DNMT1: variants seen among roughly 807,000 people sequenced by gnomAD.
DNMT1 encodes DNA methyltransferase 1, also known as DNA (cytosine-5)-methyltransferase 1.
A neutral mutation model predicts 205.3 loss-of-function variants in DNMT1; 24 were observed. The observed-to-expected ratio is 0.12, with a 90% CI of 0.08 to 0.16. DNMT1 has a LOEUF of 0.16. Among genes scored for constraint, DNMT1 ranks in the 10% least tolerant of loss-of-function variants. The pLI is 1.00. For missense variants in DNMT1, 1,293 were observed against 2,177.7 expected (o/e 0.59, Z 8.09); for synonymous variants, 817 against 839.8 (o/e 0.97, Z 0.47).
chr19:10,148,014 G>A (rs2038236192), intron 27 of DNMT1, among the ~76,000 whole-genome samples: 1 of 150,412 alleles, frequency 6.6e-6, no homozygotes, highest in Admixed American at 6.6e-5. Context: ...TACTCAGGAG[G>A]CTGAGGCAGG....
In DNMT1 at chr19:10,144,137, T is replaced by C. The variant is rs906501045; in HGVS notation, c.2895-150A>G. 1.6e-5 allele frequency: 14 copies of C among 852,432 alleles called. No individual in the cohort carries two copies. The African/African-American group carries it at 1.8e-4, about 11-fold the overall frequency. 52.8% of individuals were successfully genotyped at this position (852,432 alleles called of 1,614,324 possible). On this transcript the variant is annotated intron_variant, in intron 28 of 40. Coordinates refer to ENST00000359526, the MANE Select transcript of DNMT1 (RefSeq NM_001130823.3). ...CCTAAGAAATGATTTAGGCTGGGCA[T>C]TGTGGCTCACGCCTGTAATCCCAGC...
At chr19:10,155,587 C>T (rs1192234943) in intron 19 of DNMT1, among the ~76,000 whole-genome samples, 2 of 152,104 alleles carry the variant, frequency 1.3e-5, no homozygotes, top group Admixed American at 1.3e-4. Context: ...AAATGATCCC[C>T]CCAACTCGGC....
chr19:10,160,194 G>T (rs2038539448), intron 14 of DNMT1, 131 bp from the exon 15 acceptor site: 2 of 1,556,016 alleles, frequency 1.3e-6, no homozygotes, highest in East Asian at 2.3e-5. Context: ...TGAGGCCCAG[G>T]CGCGTGGTCA....
At chr19:10,164,962 A>C (rs1489232756) in intron 11 of DNMT1, among the ~76,000 whole-genome samples, 3 of 131,734 alleles carry the variant, frequency 2.3e-5, no homozygotes, top group Admixed American at 1.6e-4. Flanking sequence ...AAAAAAGAAC[A>C]AACCAAACAG....
At chr19:10,183,179 G>T (rs2039114719) in intron 1 of DNMT1, among the ~76,000 whole-genome samples, 1 of 145,674 alleles carries the variant, frequency 6.9e-6, no homozygotes, top group African/African-American at 2.6e-5. Flanking sequence ...GGAGTGCAAT[G>T]GTGTGATCTC....
rs1046010739 is a variant in DNMT1, at chr19:10,154,173, CAG to C, written c.2019+118_2019+119del. ...CCAGACCACTAACTAATTTCTGTCTCAGGGGTCACATTTGAGCAGCCAGAGTC... is the reference window on the plus strand; with the variant it reads ...CCAGACCACTAACTAATTTCTGTCTCGGGTCACATTTGAGCAGCCAGAGTC... On this transcript the variant is annotated intron_variant, in intron 22 of 40. Transcript: ENST00000359526. This position sits in a 1 kb window ranked among gnomAD's most constrained non-coding sequence, Gnocchi z 6.3. The C allele has an allele frequency of 3.0e-5, 32 of 1,057,466 alleles. No individual in the cohort carries two copies. The African/African-American group carries it at 4.7e-4, about 15-fold the overall frequency. The allele number at this position is 1,057,466 out of a possible 1,614,324, so 65.5% of individuals were successfully genotyped here.
In DNMT1 at chr19:10,138,093, A is replaced by T; in HGVS notation, c.4116-84T>A. 1 of 1,484,698 alleles carries T rather than the reference A, an allele frequency of 6.7e-7. No individual in the cohort carries two copies. The highest frequency in any genetic ancestry group is 9.2e-7 in the Non-Finnish European group (1 of 1,092,070). The allele number at this position is 1,484,698 out of a possible 1,614,324, so 92.0% of individuals were successfully genotyped here. ...CACAGGTGCCACCCCCTGCCTGCTC[A>T]GATGGCCTTCTCCCGAGATCACAGC... On this transcript the variant is annotated intron_variant, in intron 35 of 40. Coordinates refer to ENST00000359526, the MANE Select transcript of DNMT1 (RefSeq NM_001130823.3). The surrounding 1 kb of genome is among the most constrained non-coding windows in gnomAD (Gnocchi z 4.1).
intron 5 of DNMT1, among the ~76,000 whole-genome samples, chr19:10,179,221 G>A (rs1355596767): frequency 2.0e-5 from 3 of 151,834 alleles, no homozygotes; most frequent in Admixed American, 1.3e-4. Flanking sequence ...GGCATATAAG[G>A]TCTTAGAAGG....
At chr19:10,167,264 C>T (rs920709957) in intron 10 of DNMT1, among the ~76,000 whole-genome samples, 11 of 151,482 alleles carry the variant, frequency 7.3e-5, no homozygotes, top group African/African-American at 2.7e-4. Context: ...GATGTGATCT[C>T]AGCTCACTGC....
chr19:10,179,126 CAAAAAAA>C (rs1000467616), intron 5 of DNMT1, among the ~76,000 whole-genome samples: 1 of 65,046 alleles, frequency 1.5e-5, no homozygotes, highest in African/African-American at 5.7e-5. Flanking sequence ...GACTCCATCT[CAAAAAAA>C]AAAAAAAAAA....
Position 10,171,332 on chromosome 19 carries a change from A to G in DNMT1, c.768+1758T>C, listed in dbSNP as rs866923894. 1.2e-4 allele frequency among the ~76,000 whole-genome samples: 18 copies of G among 152,262 alleles called. 1 individual carries two copies. The South Asian group carries it at 3.7e-3, about 32-fold the overall frequency. On this transcript the variant is annotated intron_variant, in intron 9 of 40. Transcript: ENST00000359526. Reference sequence around the variant, plus strand: ...GATCTTCACCAAGATCTCGTCAGCCAGAGAAGGTGGCTGAGGTGACAGACT... The same window carrying G: ...GATCTTCACCAAGATCTCGTCAGCCGGAGAAGGTGGCTGAGGTGACAGACT...
In DNMT1 at chr19:10,137,495, G is replaced by A. The variant is rs2089511379; in HGVS notation, c.4294-215C>T. On this transcript the variant is annotated intron_variant, in intron 36 of 40. Transcript: ENST00000359526. The surrounding 1 kb of genome is among the most constrained non-coding windows in gnomAD (Gnocchi z 6.4). Reference sequence around the variant, plus strand: ...AGGAGAGCGTGGGAATCTAAGCTGAGCCTTTAGGGTGGGGGAAGGGGAGTG... The same window carrying A: ...AGGAGAGCGTGGGAATCTAAGCTGAACCTTTAGGGTGGGGGAAGGGGAGTG... 3.0e-6 allele frequency: 2 copies of A among 662,412 alleles called. No homozygotes were observed. Among genetic ancestry groups the A allele is most frequent in the East Asian group, 2.7e-5 (1 of 36,702 alleles). The allele number at this position is 662,412 out of a possible 1,614,324, so 41.0% of individuals were successfully genotyped here. A position where few individuals can be genotyped will look rare whatever the true frequency, so the allele number is the denominator to read the frequency against.
At chr19:10,134,842 AGTGAG>A (rs1488433889) in intron 39 of DNMT1, among the ~76,000 whole-genome samples, 1 of 144,962 alleles carries the variant, frequency 6.9e-6, no homozygotes, top group African/African-American at 2.6e-5. Flanking sequence ...TAGGGGACAG[AGTGAG>A]ACCCTGTCTC....
chr19:10,172,429 T>C (rs533634913), intron 9 of DNMT1, among the ~76,000 whole-genome samples: 1 of 151,276 alleles, frequency 6.6e-6, no homozygotes, highest in East Asian at 2.0e-4. Context: ...AAAAAAGTTT[T>C]AGCACCTCGT....
rs12611113 is a variant in DNMT1 at position 10,146,736 on chromosome 19, T to C, written c.2721-212A>G. On this transcript the variant is annotated intron_variant, in intron 27 of 40. Transcript: ENST00000359526. This position sits in a 1 kb window ranked among gnomAD's most constrained non-coding sequence, Gnocchi z 4.4. ...GCCCAGAGAGAACATAGCAAGAAAA[T>C]CAGGCAACTTTTGAGTCATTGAGAC... Among the ~76,000 whole-genome samples the C allele has an allele frequency of 0.13, 20,003 of 152,010 alleles. 1,897 individuals carry two copies. Among genetic ancestry groups the C allele is most frequent in the East Asian group, 0.4 (2,054 of 5,160 alleles).
In DNMT1 at chr19:10,180,408, G is replaced by A. The variant is rs369470867; in HGVS notation, c.387C>T (p.Pro129=). ...RVGMADANSP[P]KPLSKPRTPR... is the part of the protein sequence containing the mutation. ...GCGTGCGAGGTTTGGAAAGGGGTTT[G>A]GGGGGGCTGTTGGCATCTGCCATTC... Residue 129 remains proline, a synonymous_variant, in exon 4 of 41, where the codon CCC becomes CCT. Transcript: ENST00000359526. 181 of 1,613,864 alleles carry A rather than the reference G, an allele frequency of 1.1e-4. No individual in the cohort carries two copies. Among genetic ancestry groups the A allele is most frequent in the Middle Eastern group, 3.3e-4 (2 of 6,062 alleles).
intron 5 of DNMT1, among the ~76,000 whole-genome samples, chr19:10,179,600 G>A (rs1040824565): frequency 3.3e-5 from 5 of 152,234 alleles, no homozygotes; most frequent in African/African-American, 1.2e-4. Context: ...TACTAGTGAG[G>A]ATGCGTACAA....
chr19:10,135,263 G>A (rs945158615), intron 39 of DNMT1, among the ~76,000 whole-genome samples: 4 of 126,354 alleles, frequency 3.2e-5, no homozygotes, highest in Admixed American at 8.2e-5. Context: ...AACCAGATTC[G>A]GGGGGAGGGG....
rs184125970 is a variant in DNMT1 at position 10,137,979 on chromosome 19, C to T, written c.4146G>A (p.Thr1382=). 1.2e-4 allele frequency: 201 copies of T among 1,611,534 alleles called. 1 individual carries two copies. Among genetic ancestry groups the T allele is most frequent in the Non-Finnish European group, 1.0e-4 (120 of 1,179,154 alleles). The change falls in exon 36 of 41, where the codon ACG becomes ACA. Residue 1382 remains threonine (T), a synonymous_variant. Transcript: ENST00000359526. The surrounding 1 kb of genome is among the most constrained non-coding windows in gnomAD (Gnocchi z 6.4). ...RLSSGPFRTI[T]VRDTMSDLPE... is the part of the protein sequence containing the mutation. ...GCAGGTCGGACATCGTGTCTCGCAC[C>T]GTGATGGTCCGGAAAGGACCCGAGC...
Sources: allele counts gnomAD v4.1 joint callset (sites outside exome capture counted in the v4.1 genomes callset), GRCh38; gene constraint gnomAD v4.1.1; non-coding constraint Gnocchi (gnomAD v3.1); transcripts MANE v1.5; gene names NCBI Gene and HGNC (gene_info 2026-07-23, HGNC 2026-07-21).